Variants in ADGRB1 observed in about 807,000 individuals in gnomAD.
ADGRB1 encodes the protein brain-specific angiogenesis inhibitor 1.
In ADGRB1, 36 loss-of-function variants were observed where a neutral mutation model predicts 175.7. The ratio of observed to expected loss-of-function variants is 0.20; its 90% CI spans 0.16 to 0.27. The LOEUF (loss-of-function observed/expected upper bound fraction) is 0.27. Ranked by LOEUF, ADGRB1 falls within the 10% of genes least tolerant of loss-of-function variation. The pLI, the probability that ADGRB1 is intolerant of heterozygous loss-of-function variation, is 1.00. For missense variants in ADGRB1, 1,731 were observed against 2,255.3 expected (o/e 0.77, Z 4.71); for synonymous variants, 1,054 against 979.4 (o/e 1.08, Z -1.42).
At position 142,488,516 on chromosome 8, in the gene ADGRB1, C is replaced by A. The variant is rs2131870112; in HGVS notation, c.2452+9C>A. 6.2e-7 allele frequency: 1 copy of A among 1,610,956 alleles called. No individual in the cohort carries two copies. Among genetic ancestry groups the A allele is most frequent in the East Asian group, 2.2e-5 (1 of 44,804 alleles). The stretch of plus-strand genomic sequence containing the variant: ...CTCCACGGGGCTGACAGGTGAGGGG[C>A]CCAGGGAGTGGAGGGGGACCTTCAT... On this transcript the variant is annotated intron_variant, in intron 14 of 30. Coordinates refer to ENST00000517894, the MANE Select transcript of ADGRB1 (RefSeq NM_001702.3).
chr8:142,505,425 A>G (rs1052409604), intron 17 of ADGRB1, among the ~76,000 whole-genome samples: 4 of 152,128 alleles, frequency 2.6e-5, no homozygotes, highest in African/African-American at 9.7e-5. Context: ...CCCCATAGCC[A>G]GCTGGGGAGG....
intron 26 of ADGRB1, among the ~76,000 whole-genome samples, chr8:142,539,048 ACACT>A (rs1400918383): frequency 2.6e-5 from 4 of 152,184 alleles, no homozygotes; most frequent in Non-Finnish European, 4.4e-5. Flanking sequence ...CGTGTACAAA[ACACT>A]CAGATGCATT....
intron 24 of ADGRB1, among the ~76,000 whole-genome samples, chr8:142,529,930 CTG>C (rs1844509156): frequency 7.3e-6 from 1 of 136,820 alleles, no homozygotes; most frequent in South Asian, 2.6e-4. Context: ...GTGTGTGTAC[CTG>C]TGAGCGTGCA....
Position 142,474,267 on chromosome 8 carries a change from C to A in ADGRB1, c.785-1207C>A, listed in dbSNP as rs1172859337. ...CTGATTGCTGCCCCTGGGGCCTCCC[C>A]TGCTGTACCTGGGATCGAGCTGCCG... On this transcript the variant is annotated intron_variant, in intron 2 of 30. Transcript: ENST00000517894. This position sits in a 1 kb window ranked among gnomAD's most constrained non-coding sequence, Gnocchi z 5.8. Among the ~76,000 whole-genome samples, 9 of 152,134 alleles carry A rather than the reference C, an allele frequency of 5.9e-5. No homozygotes were observed. Among genetic ancestry groups the A allele is most frequent in the Admixed American group, 5.9e-4 (9 of 15,284 alleles).
Position 142,542,286 on chromosome 8 carries a change from C to T in ADGRB1, c.4052C>T (p.Ala1351Val), listed in dbSNP as rs370380892. Residue 1351 changes from alanine (A) to valine (V), a missense_variant, in exon 28 of 31, where the codon GCC becomes GTC. Transcript: ENST00000517894. The surrounding 1 kb of genome is among the most constrained non-coding windows in gnomAD (Gnocchi z 6.3). ...LDTSYVILPT[A>V]TATLRPKPKE... The stretch of plus-strand genomic sequence containing the variant: ...ACGAGCTACGTGATCCTGCCCACGG[C>T]CACGGCCACGCTGCGGCCCAAGCCC... The T allele has an allele frequency of 6.2e-7, 1 of 1,613,238 alleles. No individual in the cohort carries two copies. Among genetic ancestry groups the T allele is most frequent in the African/African-American group, 1.3e-5 (1 of 74,924 alleles).
At chr8:142,498,437 C>T (rs1842329587) in intron 17 of ADGRB1, among the ~76,000 whole-genome samples, 1 of 152,158 alleles carries the variant, frequency 6.6e-6, no homozygotes, top group Non-Finnish European at 1.5e-5. Context: ...TGTGAGTTGC[C>T]CCGGGTGCCT....
In ADGRB1 at chr8:142,520,791, G is replaced by A. The variant is rs191064896; in HGVS notation, c.2922-32G>A. 1,469 of 1,586,634 alleles carry A rather than the reference G, an allele frequency of 9.3e-4. 9 individuals carry two copies. In the Admixed American group the frequency reaches 0.015, roughly 16 times the overall value. On this transcript the variant is annotated intron_variant, in intron 19 of 30. Coordinates refer to ENST00000517894, the MANE Select transcript of ADGRB1 (RefSeq NM_001702.3). ...CCCTGTGCAGATGGGGTTCTGTTGG[G>A]TGCTGACCTTGGGCCCCTGCACTCT...
At chr8:142,470,648 G>A (rs1468446519) in intron 2 of ADGRB1, among the ~76,000 whole-genome samples, 1 of 152,198 alleles carries the variant, frequency 6.6e-6, no homozygotes, top group African/African-American at 2.4e-5. Context: ...CCCACAGGGA[G>A]TGGGTATGGG....
intron 2 of ADGRB1, among the ~76,000 whole-genome samples, chr8:142,473,770 G>A (rs1840787393): frequency 6.6e-6 from 1 of 152,194 alleles, no homozygotes; most frequent in South Asian, 2.1e-4. Context: ...CCCACCCTAT[G>A]GACCCCACCA....
chr8:142,530,666 G>A (rs949898216), intron 24 of ADGRB1, among the ~76,000 whole-genome samples: 3 of 152,180 alleles, frequency 2.0e-5, no homozygotes, highest in Non-Finnish European at 2.9e-5. Context: ...GGGAAGTTCA[G>A]GTTCTTTGGG....
At position 142,464,880 on chromosome 8, in the gene ADGRB1, C is replaced by T. The variant is rs1840175907; in HGVS notation, c.682C>T (p.Leu228=). The change falls in exon 2 of 31, where the codon CTG becomes TTG. Residue 228 remains leucine (L), a synonymous_variant. Coordinates refer to ENST00000517894, the MANE Select transcript of ADGRB1 (RefSeq NM_001702.3). ...GEAGGPAAGP[L]APRGDVCLRD... is the part of the protein sequence containing the mutation. ...GGCGGGCGGCCCTGCCGCGGGACCC[C>T]TGGCCCCCCGCGGGGATGTCTGCTT... 2 of 1,523,772 alleles carry T rather than the reference C, an allele frequency of 1.3e-6. No homozygotes were observed. The highest frequency in any genetic ancestry group is 8.8e-7 in the Non-Finnish European group (1 of 1,141,142). The allele number at this position is 1,523,772 out of a possible 1,614,324, so 94.4% of individuals were successfully genotyped here. A position where few individuals can be genotyped will look rare whatever the true frequency, so the allele number is the denominator to read the frequency against.
At chr8:142,459,651 C>G (rs1839866435) in intron 1 of ADGRB1, among the ~76,000 whole-genome samples, 1 of 152,234 alleles carries the variant, frequency 6.6e-6, no homozygotes, top group Admixed American at 6.5e-5. Context: ...TGTTCATGCT[C>G]ACATATGCAC....
Position 142,489,129 on chromosome 8 carries a change from G to A in ADGRB1, c.2528+19G>A, listed in dbSNP as rs776276909. On this transcript the variant is annotated intron_variant, in intron 15 of 30. Coordinates refer to ENST00000517894, the MANE Select transcript of ADGRB1 (RefSeq NM_001702.3). ...TGCAGAGGTGGGGAGCCCTGGGCAGGTGGGGTGGGCAGTGCAGGGCAGGTG... is the reference window on the plus strand; with the variant it reads ...TGCAGAGGTGGGGAGCCCTGGGCAGATGGGGTGGGCAGTGCAGGGCAGGTG... The A allele has an allele frequency of 1.3e-6, 2 of 1,594,658 alleles. No homozygotes were observed. The highest frequency in any genetic ancestry group is 1.1e-5 in the South Asian group (1 of 88,934).
Position 142,510,636 on chromosome 8 carries a change from AGCTCTCGCCCCCCGCCCC to A in ADGRB1, c.2676-293_2676-276del, listed in dbSNP as rs1843042772. 6.9e-6 allele frequency among the ~76,000 whole-genome samples: 1 copy of A among 143,982 alleles called. No individual in the cohort carries two copies. The highest frequency in any genetic ancestry group is 2.5e-5 in the African/African-American group (1 of 39,936). The allele number at this position is 143,982 out of a possible 152,430, so 94.5% of individuals were successfully genotyped here. On this transcript the variant is annotated intron_variant, in intron 17 of 30. Coordinates refer to ENST00000517894, the MANE Select transcript of ADGRB1 (RefSeq NM_001702.3). The surrounding 1 kb of genome is among the most constrained non-coding windows in gnomAD (Gnocchi z 6.3). ...GCGGGCGACTGCCGGGCCCCGGGCCAGCTCTCGCCCCCCGCCCCGCCCCCGATCGCTCGGCTCCCCCGC... is the reference window on the plus strand; with the variant it reads ...GCGGGCGACTGCCGGGCCCCGGGCCAGCCCCCGATCGCTCGGCTCCCCCGC...
intron 4 of ADGRB1, 84 bp from the exon 5 acceptor site, chr8:142,477,030 C>A: frequency 7.1e-7 from 1 of 1,417,388 alleles, no homozygotes; most frequent in African/African-American, 1.4e-5. Context: ...CCCAGCAGGG[C>A]AGCCCTCCTG....
In ADGRB1 at chr8:142,461,759, C is replaced by T. The variant is rs182302836; in HGVS notation, c.-219-2221C>T. Among the ~76,000 whole-genome samples, 14 of 152,284 alleles carry T rather than the reference C, an allele frequency of 9.2e-5. No homozygotes were observed. In the East Asian group the frequency reaches 1.5e-3, roughly 17 times the overall value. On this transcript the variant is annotated intron_variant, in intron 1 of 30. Coordinates refer to ENST00000517894, the MANE Select transcript of ADGRB1 (RefSeq NM_001702.3). ...GGTGCATCTGGGGCTGACACCAACT[C>T]GGGGTCAGGGCTAACAGGATTGCCT... is the stretch of plus-strand genomic sequence containing the variant.
chr8:142,484,819 A>G (rs1841577272), intron 13 of ADGRB1, 55 bp downstream of exon 13: 1 of 1,356,046 alleles, frequency 7.4e-7, no homozygotes, highest in Non-Finnish European at 1.0e-6. Context: ...GCCCTGGGCC[A>G]GGCCCTTCTG....
At chr8:142,478,531 G>GTGGC (rs1841129345) in intron 7 of ADGRB1, among the ~76,000 whole-genome samples, 171 bp downstream of exon 7, 2 of 147,780 alleles carry the variant, frequency 1.4e-5, no homozygotes, top group African/African-American at 5.0e-5. Flanking sequence ...GGAGCATGGG[G>GTGGC]TGGCTGCAGG....
rs1465296732 is a variant in ADGRB1, at chr8:142,543,753, AG to A, written c.4557+47del. The A allele has an allele frequency of 2.0e-6, 3 of 1,495,460 alleles. No homozygotes were observed. The highest frequency in any genetic ancestry group is 3.9e-5 in the Admixed American group (2 of 50,932). 92.6% of individuals were successfully genotyped at this position (1,495,460 alleles called of 1,614,324 possible). On this transcript the variant is annotated intron_variant, in intron 30 of 30. Transcript: ENST00000517894. This position sits in a 1 kb window ranked among gnomAD's most constrained non-coding sequence, Gnocchi z 4.4. The stretch of plus-strand genomic sequence containing the variant: ...GCGGGGTGGGGAGAGCCCTTAGGTC[AG>A]GCCACCGTCTCCCTTCTTCCCTGGA...
Sources: allele counts gnomAD v4.1 joint callset (sites outside exome capture counted in the v4.1 genomes callset), GRCh38; gene constraint gnomAD v4.1.1; non-coding constraint Gnocchi (gnomAD v3.1); transcripts MANE v1.5; gene names NCBI Gene and HGNC (gene_info 2026-07-23, HGNC 2026-07-21).